PEAR1: variants seen among roughly 807,000 people sequenced by gnomAD.
The protein encoded by PEAR1 is platelet endothelial aggregation receptor 1.
In PEAR1, 113 loss-of-function variants were observed where a neutral mutation model predicts 131.2. That is an observed-to-expected ratio of 0.86 (90% CI 0.74 to 1.01). The LOEUF (loss-of-function observed/expected upper bound fraction) is 1.01. PEAR1 is among the 50% of genes least tolerant of loss of function. PEAR1 has a pLI of 0.00. For missense variants in PEAR1, 1,408 were observed against 1,391.1 expected, an observed-to-expected ratio of 1.01 and a Z score of -0.19; for synonymous variants, 565 against 523.3, an observed-to-expected ratio of 1.08 and a Z score of -1.09.
At chr1:156,914,121 G>A (rs1381082724) in intron 22 of PEAR1, 21 bp downstream of exon 22, 2 of 1,560,452 alleles carry the variant, frequency 1.3e-6, no homozygotes, top group Admixed American at 1.9e-5. Context: ...CCTCTCCACT[G>A]GCAGGAGCAG....
At chr1:156,907,841 G>C in intron 7 of PEAR1, 74 bp from the exon 8 acceptor site, 1 of 1,579,534 alleles carries the variant, frequency 6.3e-7, no homozygotes, top group African/African-American at 1.3e-5. Flanking sequence ...GTGGTTATGG[G>C]GGTGTCAAGG....
At chr1:156,914,162 C>A in intron 22 of PEAR1, 62 bp downstream of exon 22, 1 of 1,479,408 alleles carries the variant, frequency 6.8e-7, no homozygotes, top group South Asian at 1.4e-5. Flanking sequence ...GGCAGAAAAA[C>A]AGAAGGAACA....
chr1:156,908,342 T>A lies in PEAR1; in HGVS notation c.1115+2T>A. ...CTGCGACCGGGAGCACAGCCTCAGG[T>A]GGGCCGCGGGACATGTGGTCAAAGG... On this transcript the variant is annotated splice_donor_variant, in intron 9 of 22. Transcript: ENST00000292357. LOFTEE classifies it high-confidence loss of function. This position sits in a 1 kb window ranked among gnomAD's most constrained non-coding sequence, Gnocchi z 4.2. 6.6e-7 allele frequency: 1 copy of A among 1,516,716 alleles called. No homozygotes were observed. The highest frequency in any genetic ancestry group is 8.8e-7 in the Non-Finnish European group (1 of 1,134,278). 94.0% of individuals were successfully genotyped at this position (1,516,716 alleles called of 1,614,324 possible). A position where few individuals can be genotyped will look rare whatever the true frequency, so the allele number is the denominator to read the frequency against.
rs1459910538 is a variant in PEAR1 at position 156,910,279 on chromosome 1, A to C, written c.1724A>C (p.Asn575Thr). The C allele has an allele frequency of 6.2e-7, 1 of 1,613,460 alleles. No homozygotes were observed. Among genetic ancestry groups the C allele is most frequent in the Non-Finnish European group, 8.5e-7 (1 of 1,179,704 alleles). The change falls in exon 14 of 23, where the codon AAC (asparagine) becomes ACC (threonine). Residue 575 changes from asparagine (N) to threonine (T), a missense_variant. Physicochemically the swap from Asn to Thr is moderately conservative, Grantham distance 65 (BLOSUM62 0). Coordinates refer to ENST00000292357, the MANE Select transcript of PEAR1 (RefSeq NM_001080471.3). Reference protein sequence around the residue: ...LSCPEGLWGVNCSNTCTCKNG... With the variant: ...LSCPEGLWGVTCSNTCTCKNG... ...TGCCCTGAGGGCTTATGGGGAGTCA[A>C]CTGTAGCAACACCTGCACCTGCAAG...
intron 1 of PEAR1, among the ~76,000 whole-genome samples, chr1:156,898,456 C>T (rs1649373392): frequency 6.6e-6 from 1 of 152,138 alleles, no homozygotes; most frequent in Admixed American, 6.5e-5. Context: ...TGCCGAGGGC[C>T]TGGCCCCGCT....
intron 1 of PEAR1, among the ~76,000 whole-genome samples, chr1:156,903,177 T>C (rs1251326073): frequency 6.6e-6 from 1 of 152,124 alleles, no homozygotes. Flanking sequence ...TGGGCCCGTA[T>C]GAGGTGGTTC....
At chr1:156,905,091 G>A (rs76344400) in intron 3 of PEAR1, 3 of 1,179,362 alleles carry the variant, frequency 2.5e-6, no homozygotes, top group East Asian at 2.7e-5. Context: ...TTGGGGGGGG[G>A]GCAAGAAGGG....
Position 156,898,070 on chromosome 1 carries a change from A to C in PEAR1, c.-10+4233A>C, listed in dbSNP as rs532851034. Among the ~76,000 whole-genome samples the C allele has an allele frequency of 3.1e-3, 475 of 152,218 alleles. 2 individuals carry two copies. Among genetic ancestry groups the C allele is most frequent in the African/African-American group, 0.011 (462 of 41,522 alleles). On this transcript the variant is annotated intron_variant, in intron 1 of 22. Coordinates refer to ENST00000292357, the MANE Select transcript of PEAR1 (RefSeq NM_001080471.3). Reference sequence around the variant, plus strand: ...CCCACACTGCTTTGTCCTTTGAAGCAGATTTGAATCCTGCTCTTGCCCCTG... The same window carrying C: ...CCCACACTGCTTTGTCCTTTGAAGCCGATTTGAATCCTGCTCTTGCCCCTG...
Position 156,903,970 on chromosome 1 carries a change from T to C in PEAR1, c.44T>C (p.Leu15Pro). ...CCCCTCCTTCTCCTGGCTGTGGGCC[T>C]GCGGCTGGCTGGAACTCTCAACCCC... ...LCPLLLLAVG[L>P]RLAGTLNPSD... Residue 15 changes from leucine (L) to proline (P), a missense_variant, in exon 2 of 23, where the codon CTG (leucine) becomes CCG (proline). Coordinates refer to ENST00000292357, the MANE Select transcript of PEAR1 (RefSeq NM_001080471.3). 1.2e-6 allele frequency: 2 copies of C among 1,614,050 alleles called. No homozygotes were observed. Among genetic ancestry groups the C allele is most frequent in the South Asian group, 2.2e-5 (2 of 91,072 alleles).
chr1:156,912,658 C>T (rs1553270399), intron 17 of PEAR1, 36 bp downstream of exon 17: 5 of 1,609,582 alleles, frequency 3.1e-6, no homozygotes, highest in South Asian at 1.1e-5. Flanking sequence ...ACCCATTGTC[C>T]CCAGGGAACT....
In PEAR1 at chr1:156,912,781, C is replaced by T. The variant is rs745643561; in HGVS notation, c.2221C>T (p.Pro741Ser). 3.1e-6 allele frequency: 5 copies of T among 1,614,160 alleles called. No homozygotes were observed. In the Admixed American group the frequency reaches 5.0e-5, roughly 16 times the overall value. ...CCCATTCCACACAGGAATCCAGGAG[C>T]CCTTTACTGTGATGCCGACCACTCC... ...GAPCRIGIQE[P>S]FTVMPTTPVA... The change falls in exon 18 of 23, where the codon CCC becomes TCC. Residue 741 changes from proline to serine, a missense_variant. By Grantham distance (74) the Pro-to-Ser change is moderately conservative. Transcript: ENST00000292357.
intron 3 of PEAR1, 145 bp from the exon 4 acceptor site, chr1:156,905,179 C>T: frequency 9.3e-7 from 1 of 1,070,590 alleles, no homozygotes; most frequent in East Asian, 2.6e-5. Flanking sequence ...TCGTAGTGCA[C>T]TGCAACCTCA....
At chr1:156,913,088 G>A (rs974866713) in intron 18 of PEAR1, 106 bp downstream of exon 18, 24 of 1,555,822 alleles carry the variant, frequency 1.5e-5, no homozygotes, top group South Asian at 2.3e-5. Flanking sequence ...GGAGGAGGGA[G>A]GAAGGGAGGT....
Position 156,913,488 on chromosome 1 carries a change from ACCGCCGGGAG to A in PEAR1, c.2612_2621del (p.Arg871ProfsTer46). ...ACCACCCTGCCTGCTGACTGGAAGC[ACCGCCGGGAG>A]CCCCCTCCAGGGCCTCTGGACAGGG... On this transcript the variant is annotated frameshift_variant, in exon 20 of 23. Coordinates refer to ENST00000292357, the MANE Select transcript of PEAR1 (RefSeq NM_001080471.3). LOFTEE classifies it high-confidence loss of function. The A allele has an allele frequency of 1.2e-6, 2 of 1,613,182 alleles. No homozygotes were observed.
rs1651703530 is a variant in PEAR1 at position 156,914,746 on chromosome 1, T to C, written c.3062T>C (p.Leu1021Ser). 6.2e-7 allele frequency: 1 copy of C among 1,613,928 alleles called. No homozygotes were observed. The highest frequency in any genetic ancestry group is 8.5e-7 in the Non-Finnish European group (1 of 1,179,950). ...AGCCACATCCCTGGACATTATGACT[T>C]GCCTCCAGTACGGCATCCCCCATCA... ...KNSHIPGHYD[L>S]PPVRHPPSPP... is the part of the protein sequence containing the mutation. The change falls in exon 23 of 23, where the codon TTG becomes TCG. Residue 1021 changes from leucine to serine, a missense_variant. By Grantham distance (145) the Leu-to-Ser change is moderately radical. Transcript: ENST00000292357.
At position 156,908,714 on chromosome 1, in the gene PEAR1, A is replaced by G; in HGVS notation, c.1175A>G (p.Asn392Ser). 1.3e-6 allele frequency: 2 copies of G among 1,546,234 alleles called. No individual in the cohort carries two copies. Among genetic ancestry groups the G allele is most frequent in the South Asian group, 1.2e-5 (1 of 85,108 alleles). Residue 392 changes from asparagine (N) to serine (S), a missense_variant, in exon 10 of 23, where the codon AAC becomes AGC. Coordinates refer to ENST00000292357, the MANE Select transcript of PEAR1 (RefSeq NM_001080471.3). The surrounding 1 kb of genome is among the most constrained non-coding windows in gnomAD (Gnocchi z 4.2). ...CLPGWAGLHC[N>S]ESCPQDTHGP... ...CCGGGCTGGGCGGGCCTCCACTGCA[A>G]CGAGAGCTGCCCGCAGGACACGCAT...
rs1383831302 is a variant in PEAR1 at position 156,914,886 on chromosome 1, C to G, written c.*88C>G. The stretch of plus-strand genomic sequence containing the variant: ...GAGCCTAGTGTACCCCTGCCAGGAG[C>G]AGGGAGTGGACCGGCAGGCTGTGAA... On this transcript the variant is annotated 3_prime_UTR_variant, in exon 23 of 23. Transcript: ENST00000292357. 2.1e-6 allele frequency: 3 copies of G among 1,455,526 alleles called. No individual in the cohort carries two copies. The African/African-American group carries it at 4.2e-5, about 20-fold the overall frequency. 90.2% of individuals were successfully genotyped at this position (1,455,526 alleles called of 1,614,324 possible).
At chr1:156,913,142 T>A (rs1651439274) in intron 18 of PEAR1, 52 bp from the exon 19 acceptor site, 3 of 1,587,128 alleles carry the variant, frequency 1.9e-6, no homozygotes, top group Admixed American at 1.7e-5. Context: ...AACAGCTCTC[T>A]TGGACTCCTG....
At position 156,913,193 on chromosome 1, in the gene PEAR1, G is replaced by A. The variant is rs928728990; in HGVS notation, c.2423-1G>A. On this transcript the variant is annotated splice_acceptor_variant, in intron 18 of 22. Coordinates refer to ENST00000292357, the MANE Select transcript of PEAR1 (RefSeq NM_001080471.3). LOFTEE classifies it high-confidence loss of function. ...ACCCTGTGCTTGTGTCTGTCATGCAGATGTCCCTCCGAGCTACAGTCACTA... is the reference window on the plus strand; with the variant it reads ...ACCCTGTGCTTGTGTCTGTCATGCAAATGTCCCTCCGAGCTACAGTCACTA... 1 of 1,613,430 alleles carries A rather than the reference G, an allele frequency of 6.2e-7. No individual in the cohort carries two copies. The highest frequency in any genetic ancestry group is 8.5e-7 in the Non-Finnish European group (1 of 1,179,672).
Sources: allele counts gnomAD v4.1 joint callset (sites outside exome capture counted in the v4.1 genomes callset), GRCh38; gene constraint gnomAD v4.1.1; non-coding constraint Gnocchi (gnomAD v3.1); transcripts MANE v1.5; gene names NCBI Gene and HGNC (gene_info 2026-07-23, HGNC 2026-07-21).